PITPNM2: variants seen among roughly 807,000 people sequenced by gnomAD.
PITPNM2 encodes phosphatidylinositol transfer protein membrane associated 2.
PITPNM2 carries 35 observed loss-of-function variants against 132.2 expected under a neutral mutation model. That is an observed-to-expected ratio of 0.26 (90% CI 0.20 to 0.35). The LOEUF (loss-of-function observed/expected upper bound fraction) is 0.35, where lower values mean the gene tolerates loss of function less well. PITPNM2 is among the 10% of genes least tolerant of loss of function. PITPNM2 has a pLI of 1.00. For synonymous variants in PITPNM2, 738 were observed against 799.2 expected (o/e 0.92, Z 1.29); for missense variants, 1,332 against 1,912.0 (o/e 0.70, Z 5.66).
Position 123,150,615 on chromosome 12 carries a change from C to T in PITPNM2, c.-200+138G>A, listed in dbSNP as rs2137761436. On this transcript the variant is annotated intron_variant, in intron 1 of 25. Coordinates refer to ENST00000320201, the MANE Select transcript of PITPNM2 (RefSeq NM_020845.3). The surrounding 1 kb of genome is among the most constrained non-coding windows in gnomAD (Gnocchi z 6.0). ...GGTCTCCGCTCCCTCCTCCAGCCCCCGGCGGGCTGGAGGCTCGGCGGGCGG... is the reference window on the plus strand; with the variant it reads ...GGTCTCCGCTCCCTCCTCCAGCCCCTGGCGGGCTGGAGGCTCGGCGGGCGG... Among the ~76,000 whole-genome samples the T allele has an allele frequency of 6.7e-6, 1 of 149,882 alleles. No individual in the cohort carries two copies. The highest frequency in any genetic ancestry group is 2.1e-4 in the South Asian group (1 of 4,726).
rs2041824200 is a variant in PITPNM2 at position 123,077,382 on chromosome 12, G to A, written c.-96+33003C>T. ...AGGATTGGTCAGAGAGACAGCCAACGTGTGGCCAACAATCACCACTCCAGA... is the reference window on the plus strand; with the variant it reads ...AGGATTGGTCAGAGAGACAGCCAACATGTGGCCAACAATCACCACTCCAGA... On this transcript the variant is annotated intron_variant, in intron 2 of 25. Transcript: ENST00000320201. The surrounding 1 kb of genome is among the most constrained non-coding windows in gnomAD (Gnocchi z 4.8). 6.6e-6 allele frequency among the ~76,000 whole-genome samples: 1 copy of A among 152,204 alleles called. No homozygotes were observed. The highest frequency in any genetic ancestry group is 1.5e-5 in the Non-Finnish European group (1 of 68,038).
At position 122,986,508 on chromosome 12, in the gene PITPNM2, G is replaced by T; in HGVS notation, c.3654C>A (p.Ser1218Arg). 1 of 1,593,548 alleles carries T rather than the reference G, an allele frequency of 6.3e-7. No homozygotes were observed. Among genetic ancestry groups the T allele is most frequent in the South Asian group, 1.1e-5 (1 of 88,664 alleles). ...YGSTKDVAVY[S>R]AISLSPMQIY... is the part of the protein sequence containing the mutation. ...TCTGCATGGGGGACAGGCTAATGGC[G>T]CTGTACACCGCCACGTCCTTGGTGG... Residue 1218 changes from serine to arginine, a missense_variant, in exon 25 of 26, where the codon AGC becomes AGA. This residue lies in a region of PITPNM2 where 251 missense variants were observed against 472.0 expected (regional missense o/e 0.53). Coordinates refer to ENST00000320201, the MANE Select transcript of PITPNM2 (RefSeq NM_020845.3).
At chr12:122,995,746 T>C in intron 13 of PITPNM2, 86 bp from the exon 14 acceptor site, 1 of 1,453,354 alleles carries the variant, frequency 6.9e-7, no homozygotes, top group Non-Finnish European at 9.1e-7. Flanking sequence ...TCCTCCCTCC[T>C]AACCCCAGGC....
chr12:123,094,466 G>A (rs779645697), intron 2 of PITPNM2, among the ~76,000 whole-genome samples: 13 of 152,174 alleles, frequency 8.5e-5, no homozygotes, highest in African/African-American at 2.9e-4. Flanking sequence ...GTCCTCCGGC[G>A]CATCAGGCTC....
intron 2 of PITPNM2, among the ~76,000 whole-genome samples, chr12:123,039,937 G>C: frequency 6.6e-6 from 1 of 152,176 alleles, no homozygotes; most frequent in Non-Finnish European, 1.5e-5. Context: ...TTTGAGACCA[G>C]CCTGAGCAAC....
chr12:123,059,156 AG>A (rs1443992915), intron 2 of PITPNM2, among the ~76,000 whole-genome samples: 1 of 152,206 alleles, frequency 6.6e-6, no homozygotes, highest in African/African-American at 2.4e-5. Context: ...CAGGCTGAAG[AG>A]CCCATGTGTT....
chr12:123,086,362 T>C (rs2042111348), intron 2 of PITPNM2, among the ~76,000 whole-genome samples: 1 of 152,208 alleles, frequency 6.6e-6, no homozygotes, highest in African/African-American at 2.4e-5. Context: ...ACAGTGTTTG[T>C]CTCTTGGGCT....
chr12:123,125,672 G>C (rs921631263), intron 1 of PITPNM2, among the ~76,000 whole-genome samples: 1 of 150,768 alleles, frequency 6.6e-6, no homozygotes, highest in African/African-American at 2.4e-5. Context: ...GTGAAACCCC[G>C]TCTCTATTAA....
At position 123,009,174 on chromosome 12, in the gene PITPNM2, G is replaced by T. The variant is rs997091499; in HGVS notation, c.643+676C>A. Among the ~76,000 whole-genome samples the T allele has an allele frequency of 3.3e-5, 5 of 152,186 alleles. No individual in the cohort carries two copies. Among genetic ancestry groups the T allele is most frequent in the African/African-American group, 9.7e-5 (4 of 41,440 alleles). ...TGGCATCACAAGGTGTCTGGCTGGGGTGCCTTTTGGGTCATGGGCCTCAGG... is the reference window on the plus strand; with the variant it reads ...TGGCATCACAAGGTGTCTGGCTGGGTTGCCTTTTGGGTCATGGGCCTCAGG... On this transcript the variant is annotated intron_variant, in intron 6 of 25. Coordinates refer to ENST00000320201, the MANE Select transcript of PITPNM2 (RefSeq NM_020845.3). The surrounding 1 kb of genome is among the most constrained non-coding windows in gnomAD (Gnocchi z 4.8).
chr12:123,142,305 A>G (rs1356424010), intron 1 of PITPNM2, among the ~76,000 whole-genome samples: 1 of 152,218 alleles, frequency 6.6e-6, no homozygotes, highest in Non-Finnish European at 1.5e-5. Context: ...TTAGTGAGCT[A>G]TTTTCCTTGC....
intron 1 of PITPNM2, among the ~76,000 whole-genome samples, chr12:123,127,972 G>C (rs909102103): frequency 1.3e-5 from 2 of 152,020 alleles, no homozygotes; most frequent in Non-Finnish European, 2.9e-5. Flanking sequence ...ACTAAAGAGA[G>C]AGAAGGCATG....
At chr12:123,120,767 G>A (rs1219646601) in intron 1 of PITPNM2, among the ~76,000 whole-genome samples, 1 of 152,180 alleles carries the variant, frequency 6.6e-6, no homozygotes, top group Admixed American at 6.5e-5. Context: ...AGCCCCAGCA[G>A]GGACAACCTC....
At chr12:123,073,565 G>A (rs1417068695) in intron 2 of PITPNM2, among the ~76,000 whole-genome samples, 1 of 152,210 alleles carries the variant, frequency 6.6e-6, no homozygotes, top group African/African-American at 2.4e-5. Context: ...CTCATGTGCA[G>A]TGCTGCTCCT....
At chr12:123,061,198 C>G (rs2041224945) in intron 2 of PITPNM2, among the ~76,000 whole-genome samples, 1 of 152,204 alleles carries the variant, frequency 6.6e-6, no homozygotes, top group Non-Finnish European at 1.5e-5. Flanking sequence ...TCTTTACACT[C>G]ACGGCAGCTC....
At chr12:123,118,705 G>A (rs1461355967) in intron 1 of PITPNM2, among the ~76,000 whole-genome samples, 1 of 152,206 alleles carries the variant, frequency 6.6e-6, no homozygotes, top group African/African-American at 2.4e-5. Context: ...CAGCCTCCAG[G>A]GTGTACGGAC....
At chr12:123,129,700 T>G (rs1407391092) in intron 1 of PITPNM2, among the ~76,000 whole-genome samples, 1 of 152,182 alleles carries the variant, frequency 6.6e-6, no homozygotes, top group Non-Finnish European at 1.5e-5. Context: ...TATTTATGTT[T>G]CTGAGGCTGG....
intron 17 of PITPNM2, 102 bp downstream of exon 17, chr12:122,990,443 G>A: frequency 1.3e-6 from 2 of 1,495,550 alleles, no homozygotes; most frequent in Non-Finnish European, 1.8e-6. Flanking sequence ...GCCCTCCCTA[G>A]CTTCATCAGC....
At chr12:123,063,138 A>AAGGCCTGTGTTTCC (rs2041302077) in intron 2 of PITPNM2, among the ~76,000 whole-genome samples, 1 of 152,234 alleles carries the variant, frequency 6.6e-6, no homozygotes, top group Non-Finnish European at 1.5e-5. Context: ...TGCTCAGGGC[A>AAGGCCTGTGTTTCC]AGGCCTGTGT....
chr12:123,104,513 C>G (rs1234141290), intron 2 of PITPNM2, among the ~76,000 whole-genome samples: 1 of 152,192 alleles, frequency 6.6e-6, no homozygotes, highest in Non-Finnish European at 1.5e-5. Context: ...ATGGCCGGTC[C>G]TTGCCTTAAG....
Sources: gnomAD v4.1 joint callset for allele counts (sites outside exome capture counted in the v4.1 genomes callset) on GRCh38, gnomAD v4.1.1 for gene constraint, gnomAD v4.1.1 regional missense constraint, Gnocchi (gnomAD v3.1) non-coding constraint, MANE v1.5 for transcripts, NCBI Gene and HGNC (gene_info 2026-07-23, HGNC 2026-07-21) for gene names.